The following PPP2CA variants were observed in gnomAD, a reference collection of about 807,000 sequenced individuals.
The protein encoded by PPP2CA is serine/threonine-protein phosphatase 2A catalytic subunit alpha isoform.
Under a neutral mutation model 38.8 loss-of-function variants are expected in PPP2CA, and 5 were observed. The observed-to-expected ratio is 0.13, with a 90% confidence interval of 0.07 to 0.27. The LOEUF (loss-of-function observed/expected upper bound fraction) is 0.27. Ranked by LOEUF, PPP2CA falls within the 10% of genes least tolerant of loss-of-function variation. The pLI, the probability that PPP2CA is intolerant of heterozygous loss-of-function variation, is 1.00. For synonymous variants in PPP2CA, 152 were observed against 134.0 expected (o/e 1.13, Z -0.93); for missense variants, 88 against 389.7 (o/e 0.23, Z 6.52).
At chr5:134,224,585 G>C (rs1043315889) in intron 1 of PPP2CA, among the ~76,000 whole-genome samples, 2 of 152,178 alleles carry the variant, frequency 1.3e-5, no homozygotes, top group African/African-American at 4.8e-5. Flanking sequence ...AAAGTGACGT[G>C]CTGCAAAGTT....
Position 134,226,054 on chromosome 5 carries a change from TCC to T in PPP2CA, c.-195_-194del, listed in dbSNP as rs1470559017. The T allele has an allele frequency of 3.9e-6, 2 of 519,040 alleles. No homozygotes were observed. Among genetic ancestry groups the T allele is most frequent in the Non-Finnish European group, 6.8e-6 (2 of 294,624 alleles). The allele number at this position is 519,040 out of a possible 1,614,324, so 32.2% of individuals were successfully genotyped here. ...CGCCTCCTCCTCCGCTCGCTGAGGC[TCC>T]AGAGCTCGGCTCTCTGTAATGGCGG... On this transcript the variant is annotated 5_prime_UTR_variant, in exon 1 of 7. Coordinates refer to ENST00000481195, the MANE Select transcript of PPP2CA (RefSeq NM_002715.4).
rs143497850 is a variant in PPP2CA, at chr5:134,223,578, T to C, written c.102+2182A>G. Among the ~76,000 whole-genome samples the C allele has an allele frequency of 7.7e-4, 118 of 152,318 alleles. 1 individual carries two copies. The highest frequency in any genetic ancestry group is 2.6e-3 in the African/African-American group (108 of 41,568). Reference sequence around the variant, plus strand: ...CTTTTTTGGCACTCAGAACTAAAATTTGCGTAAGCAGCGCAAGCAATGGAG... The same window carrying C: ...CTTTTTTGGCACTCAGAACTAAAATCTGCGTAAGCAGCGCAAGCAATGGAG... On this transcript the variant is annotated intron_variant, in intron 1 of 6. Transcript: ENST00000481195.
rs1761799002 is a variant in PPP2CA, at chr5:134,194,495, A to G, written c.*3277T>C. On this transcript the variant is annotated 3_prime_UTR_variant, in exon 7 of 7. Transcript: ENST00000481195. ...AAAGGAATATTTATACTAAACAGGTAAAAGTCACCACTGAAACAGAGAGTC... is the reference window on the plus strand; with the variant it reads ...AAAGGAATATTTATACTAAACAGGTGAAAGTCACCACTGAAACAGAGAGTC... 1 of 152,440 alleles carries G rather than the reference A, an allele frequency of 6.6e-6. No homozygotes were observed. The highest frequency in any genetic ancestry group is 6.5e-5 in the Admixed American group (1 of 15,308). The allele number at this position is 152,440 out of a possible 1,614,324, so 9.4% of individuals were successfully genotyped here.
rs528793860 is a variant in PPP2CA, at chr5:134,226,057, A to G, written c.-196T>C. The stretch of plus-strand genomic sequence containing the variant: ...CTCCTCCTCCGCTCGCTGAGGCTCC[A>G]GAGCTCGGCTCTCTGTAATGGCGGC... On this transcript the variant is annotated 5_prime_UTR_variant, in exon 1 of 7. Coordinates refer to ENST00000481195, the MANE Select transcript of PPP2CA (RefSeq NM_002715.4). The G allele has an allele frequency of 1.9e-6, 1 of 516,574 alleles. No homozygotes were observed. The highest frequency in any genetic ancestry group is 3.4e-6 in the Non-Finnish European group (1 of 292,908). 32.0% of individuals were successfully genotyped at this position (516,574 alleles called of 1,614,324 possible).
chr5:134,217,372 A>G (rs1351419129), intron 1 of PPP2CA, among the ~76,000 whole-genome samples: 1 of 152,242 alleles, frequency 6.6e-6, no homozygotes, highest in African/African-American at 2.4e-5. Flanking sequence ...CATCCTTACC[A>G]TATAGTTGGA....
intron 6 of PPP2CA, among the ~76,000 whole-genome samples, chr5:134,198,375 AGAGT>A (rs1171687067): frequency 6.9e-6 from 1 of 145,370 alleles, no homozygotes; most frequent in African/African-American, 2.6e-5. Flanking sequence ...CCTGGGTGAC[AGAGT>A]GAGACTCCGT....
chr5:134,215,754 T>G (rs13187105), intron 1 of PPP2CA, among the ~76,000 whole-genome samples: 117,546 of 152,004 alleles, frequency 0.77, 45,905 homozygotes, highest in Non-Finnish European at 0.82. Context: ...TTCTTTAAAG[T>G]CCGGTCACCA....
chr5:134,222,180 C>CT (rs1386713571), intron 1 of PPP2CA, among the ~76,000 whole-genome samples: 1 of 152,036 alleles, frequency 6.6e-6, no homozygotes, highest in Admixed American at 6.6e-5. Context: ...CTTTCTGAGT[C>CT]TTTGAGTTGC....
chr5:134,206,332 G>C (rs1762082539), intron 1 of PPP2CA, among the ~76,000 whole-genome samples: 1 of 152,126 alleles, frequency 6.6e-6, no homozygotes, highest in African/African-American at 2.4e-5. Context: ...GAAAAAATAT[G>C]CATTCCTATC....
Position 134,214,850 on chromosome 5 carries a change from A to C in PPP2CA, c.103-8719T>G, listed in dbSNP as rs1580647355. ...TAATTTTTCTCCTACAATTATTAAG[A>C]AAAGTTATCACGTCTTGCCATTTTC... On this transcript the variant is annotated intron_variant, in intron 1 of 6. Coordinates refer to ENST00000481195, the MANE Select transcript of PPP2CA (RefSeq NM_002715.4). 3.3e-5 allele frequency among the ~76,000 whole-genome samples: 5 copies of C among 152,202 alleles called. No homozygotes were observed. The East Asian group carries it at 9.6e-4, about 29-fold the overall frequency.
At chr5:134,213,648 G>A (rs1762255738) in intron 1 of PPP2CA, among the ~76,000 whole-genome samples, 1 of 151,956 alleles carries the variant, frequency 6.6e-6, no homozygotes, top group African/African-American at 2.4e-5. Flanking sequence ...GCTAGGCATG[G>A]TGGTGCACTC....
At chr5:134,216,537 CAA>C (rs748030385) in intron 1 of PPP2CA, among the ~76,000 whole-genome samples, 115 of 29,578 alleles carry the variant, frequency 3.9e-3, no homozygotes, top group Non-Finnish European at 6.9e-3. Flanking sequence ...GAGACTGCCT[CAA>C]AAAAAAAAAA....
At chr5:134,201,758 G>T in intron 3 of PPP2CA, 90 bp downstream of exon 3, 2 of 1,338,698 alleles carry the variant, frequency 1.5e-6, no homozygotes, top group Non-Finnish European at 2.1e-6. Context: ...CCCCAAAGGG[G>T]TGTTAAGAGT....
At chr5:134,225,113 A>C (rs1427131995) in intron 1 of PPP2CA, among the ~76,000 whole-genome samples, 1 of 152,244 alleles carries the variant, frequency 6.6e-6, no homozygotes, top group East Asian at 1.9e-4. Context: ...CCAACTATGA[A>C]AAATAAGTTA....
At position 134,197,577 on chromosome 5, in the gene PPP2CA, G is replaced by A; in HGVS notation, c.*195C>T. On this transcript the variant is annotated 3_prime_UTR_variant, in exon 7 of 7. Transcript: ENST00000481195. Reference sequence around the variant, plus strand: ...ATGTCGCTTCAGCATGCAATGAACTGGTTCATTCTAAAGTGGTCACGGCTG... The same window carrying A: ...ATGTCGCTTCAGCATGCAATGAACTAGTTCATTCTAAAGTGGTCACGGCTG... 1.8e-6 allele frequency: 1 copy of A among 554,858 alleles called. No homozygotes were observed. Among genetic ancestry groups the A allele is most frequent in the Non-Finnish European group, 3.2e-6 (1 of 308,326 alleles). The allele number at this position is 554,858 out of a possible 1,614,324, so 34.4% of individuals were successfully genotyped here.
intron 1 of PPP2CA, among the ~76,000 whole-genome samples, chr5:134,218,093 A>G (rs1326839500): frequency 8.6e-5 from 13 of 151,916 alleles, no homozygotes; most frequent in African/African-American, 2.9e-4. Context: ...CACTGACCAA[A>G]ATGTCATTAT....
At chr5:134,204,973 C>T (rs1272774074) in intron 2 of PPP2CA, among the ~76,000 whole-genome samples, 4 of 147,254 alleles carry the variant, frequency 2.7e-5, no homozygotes, top group African/African-American at 1.0e-4. Context: ...CTCATTGTTC[C>T]CCAAGTTAGA....
At chr5:134,200,177 T>C (rs1761943282) in intron 5 of PPP2CA, among the ~76,000 whole-genome samples, 158 bp downstream of exon 5, 1 of 152,218 alleles carries the variant, frequency 6.6e-6, no homozygotes, top group Non-Finnish European at 1.5e-5. Context: ...TTAATTCTAG[T>C]AGTGTGCATC....
At chr5:134,220,473 A>AAAAG (rs1762415251) in intron 1 of PPP2CA, among the ~76,000 whole-genome samples, 2 of 149,874 alleles carry the variant, frequency 1.3e-5, no homozygotes, top group Admixed American at 1.3e-4. Context: ...AAAAAAAAAA[A>AAAAG]AAAAAGCCCA....
Sources: allele counts gnomAD v4.1 joint callset (sites outside exome capture counted in the v4.1 genomes callset), GRCh38; gene constraint gnomAD v4.1.1; transcripts MANE v1.5; gene names NCBI Gene and HGNC (gene_info 2026-07-23, HGNC 2026-07-21).